PDLIM3: variants seen among roughly 807,000 people sequenced by gnomAD.
PDLIM3 encodes PDZ and LIM domain 3, also known as PDZ and LIM domain protein 3.
In PDLIM3, 36 loss-of-function variants were observed where a neutral mutation model predicts 37.3. That is an observed-to-expected ratio of 0.97 (90% CI 0.74 to 1.28). PDLIM3 has a LOEUF of 1.28. Among genes scored for constraint, PDLIM3 ranks in the 50% most tolerant of loss-of-function variants. PDLIM3 has a pLI of 0.00. For missense variants in PDLIM3, 454 were observed against 485.0 expected (o/e 0.94, Z 0.60); for synonymous variants, 174 against 182.4 (o/e 0.95, Z 0.37).
At position 185,504,679 on chromosome 4, in the gene PDLIM3, G is replaced by T; in HGVS notation, c.794-93C>A. The T allele has an allele frequency of 1.1e-6, 1 of 947,156 alleles. No individual in the cohort carries two copies. Among genetic ancestry groups the T allele is most frequent in the Non-Finnish European group, 1.7e-6 (1 of 599,520 alleles). 58.7% of individuals were successfully genotyped at this position (947,156 alleles called of 1,614,324 possible). On this transcript the variant is annotated intron_variant, in intron 6 of 7. Transcript: ENST00000284767. The surrounding 1 kb of genome is among the most constrained non-coding windows in gnomAD (Gnocchi z 4.7). ...TTTAAAGTGTGCACTTTAACCTGAA[G>T]TTGCATCTGCACCGTCATTCCGAGA... is the stretch of plus-strand genomic sequence containing the variant.
intron 7 of PDLIM3, among the ~76,000 whole-genome samples, chr4:185,502,911 C>G (rs551974521): frequency 3.7e-4 from 56 of 152,258 alleles, no homozygotes; most frequent in African/African-American, 1.2e-3. Flanking sequence ...GGTCCAGCCT[C>G]TATTCAATGG....
chr4:185,510,005 C>T (rs957080107), intron 4 of PDLIM3, among the ~76,000 whole-genome samples: 3 of 152,070 alleles, frequency 2.0e-5, no homozygotes, highest in African/African-American at 7.2e-5. Context: ...TCCTTCACTT[C>T]CTGCCTTTTG....
intron 3 of PDLIM3, among the ~76,000 whole-genome samples, chr4:185,520,415 C>A (rs1172016017): frequency 1.3e-5 from 2 of 151,236 alleles, no homozygotes; most frequent in Non-Finnish European, 2.9e-5. Context: ...CTGCTATAGC[C>A]CTTAACCTAA....
chr4:185,528,378 A>G (rs903875290), intron 1 of PDLIM3, among the ~76,000 whole-genome samples: 2 of 152,376 alleles, frequency 1.3e-5, no homozygotes, highest in African/African-American at 4.8e-5. Context: ...GACTTAGATA[A>G]TGAATAACTA....
rs1377584394 is a variant in PDLIM3, at chr4:185,524,995, T to G, written c.245+25A>C. ...GGTTCTCCTGCAAAACAGATCAGAT[T>G]TAAGCACCATTAGTTAAGAAGCACC... On this transcript the variant is annotated intron_variant, in intron 2 of 7. Transcript: ENST00000284767. 5 of 1,612,304 alleles carry G rather than the reference T, an allele frequency of 3.1e-6. No individual in the cohort carries two copies. In the African/African-American group the frequency reaches 6.7e-5, roughly 22 times the overall value.
intron 6 of PDLIM3, among the ~76,000 whole-genome samples, chr4:185,505,031 C>T (rs2095694331): frequency 6.6e-6 from 1 of 152,174 alleles, no homozygotes; most frequent in Non-Finnish European, 1.5e-5. Flanking sequence ...AACAGTAACT[C>T]CCCGTGCTCC....
intron 6 of PDLIM3, among the ~76,000 whole-genome samples, chr4:185,506,036 C>T (rs558025609): frequency 1.6e-4 from 24 of 152,314 alleles, no homozygotes; most frequent in Non-Finnish European, 2.9e-4. Flanking sequence ...CATCTCTCAG[C>T]GTCTCATTTG....
chr4:185,510,057 A>C (rs2153333660), intron 4 of PDLIM3, among the ~76,000 whole-genome samples: 1 of 152,324 alleles, frequency 6.6e-6, no homozygotes, highest in South Asian at 2.1e-4. Context: ...TTTAGATCAC[A>C]TACCAAAATA....
At position 185,525,093 on chromosome 4, in the gene PDLIM3, C is replaced by A; in HGVS notation, c.172G>T (p.Glu58Ter). ...VILAIDGFGTESMTHADAQDR... is the reference protein window; with the variant it reads ...VILAIDGFGT ...TGCGCATCAGCATGAGTCATGGACT[C>A]TGTCCCAAAGCCGTCAATAGCCAGG... is the stretch of plus-strand genomic sequence containing the variant. The change falls in exon 2 of 8, where the codon GAG becomes TAG. Residue 58 changes from glutamate (E) to a stop codon, truncating the protein, a stop_gained. Coordinates refer to ENST00000284767, the MANE Select transcript of PDLIM3 (RefSeq NM_014476.6). LOFTEE classifies it high-confidence loss of function. 1 of 1,614,192 alleles carries A rather than the reference C, an allele frequency of 6.2e-7. No individual in the cohort carries two copies. Among genetic ancestry groups the A allele is most frequent in the Non-Finnish European group, 8.5e-7 (1 of 1,179,998 alleles).
chr4:185,528,855 T>C (rs1171958709), intron 1 of PDLIM3, among the ~76,000 whole-genome samples: 1 of 152,240 alleles, frequency 6.6e-6, no homozygotes, highest in Non-Finnish European at 1.5e-5. Context: ...AGAAAATGAC[T>C]GCGAAATTGG....
In PDLIM3 at chr4:185,514,501, C is replaced by A; in HGVS notation, c.331-164G>T. ...AGGACGATGTCTTCTTTCCAACCAT[C>A]TATCCGCTAAACGGTCAGGCACTGG... On this transcript the variant is annotated intron_variant, in intron 3 of 7. Transcript: ENST00000284767. This position sits in a 1 kb window ranked among gnomAD's most constrained non-coding sequence, Gnocchi z 4.0. The A allele has an allele frequency of 6.9e-7, 1 of 1,447,058 alleles. No homozygotes were observed. The allele number at this position is 1,447,058 out of a possible 1,614,324, so 89.6% of individuals were successfully genotyped here. A position where few individuals can be genotyped will look rare whatever the true frequency, so the allele number is the denominator to read the frequency against.
chr4:185,506,740 A>C lies in PDLIM3; in HGVS notation c.663-88T>G, dbSNP rs550110554. On this transcript the variant is annotated intron_variant, in intron 5 of 7. Coordinates refer to ENST00000284767, the MANE Select transcript of PDLIM3 (RefSeq NM_014476.6). ...CCAGAGACATCAATACTCAGCCATT[A>C]CTCTATGCACAGCCACTCCTGAACA... 8 of 1,239,886 alleles carry C rather than the reference A, an allele frequency of 6.5e-6. No individual in the cohort carries two copies. The African/African-American group carries it at 1.0e-4, about 16-fold the overall frequency. 76.8% of individuals were successfully genotyped at this position (1,239,886 alleles called of 1,614,324 possible).
intron 5 of PDLIM3, among the ~76,000 whole-genome samples, chr4:185,507,376 CATA>C (rs904593921): frequency 6.6e-6 from 1 of 152,108 alleles, no homozygotes; most frequent in Non-Finnish European, 1.5e-5. Context: ...TAAAGAATTT[CATA>C]ATACTATATG....
At chr4:185,508,610 C>T in intron 4 of PDLIM3, 48 bp from the exon 5 acceptor site, 4 of 1,601,450 alleles carry the variant, frequency 2.5e-6, no homozygotes, top group Non-Finnish European at 3.4e-6. Context: ...GGGAGCCAGA[C>T]AGTCCAGACA....
chr4:185,504,549 C>T lies in PDLIM3; in HGVS notation c.831G>A (p.Pro277=), dbSNP rs61734674. ...CTGAACCGCCATGGACTTTCGTCAC[C>T]GGAGCTCTCACACTCCGCGTTCCAG... The part of the protein sequence containing the change: ...RPAGTRSVRA[P]VTKVHGGSGG... Residue 277 remains proline, a synonymous_variant, in exon 7 of 8, where the codon CCG becomes CCA. Transcript: ENST00000284767. The surrounding 1 kb of genome is among the most constrained non-coding windows in gnomAD (Gnocchi z 4.7). The T allele has an allele frequency of 1.7e-3, 2,745 of 1,614,100 alleles. 44 individuals are homozygous for T. The African/African-American group carries it at 0.032, about 19-fold the overall frequency.
Position 185,515,072 on chromosome 4 carries a change from A to G in PDLIM3, c.331-735T>C, listed in dbSNP as rs557780487. ...GTTTTCTCTGAGCTTTACATGTGCT[A>G]TATTCACCGATCAAATGTTAAGGTG... On this transcript the variant is annotated intron_variant, in intron 3 of 7. Coordinates refer to ENST00000284767, the MANE Select transcript of PDLIM3 (RefSeq NM_014476.6). 18 of 472,884 alleles carry G rather than the reference A, an allele frequency of 3.8e-5. No homozygotes were observed. The South Asian group carries it at 5.3e-4, about 14-fold the overall frequency. The allele number at this position is 472,884 out of a possible 1,614,324, so 29.3% of individuals were successfully genotyped here. A position where few individuals can be genotyped will look rare whatever the true frequency, so the allele number is the denominator to read the frequency against.
At chr4:185,530,310 G>A (rs1295507234) in intron 1 of PDLIM3, among the ~76,000 whole-genome samples, 1 of 152,208 alleles carries the variant, frequency 6.6e-6, no homozygotes, top group Non-Finnish European at 1.5e-5. Flanking sequence ...TTCAAATGTA[G>A]TTTATATTAC....
intron 1 of PDLIM3, among the ~76,000 whole-genome samples, chr4:185,526,935 A>G (rs568824775): frequency 1.8e-4 from 28 of 152,234 alleles, no homozygotes; most frequent in African/African-American, 6.7e-4. Flanking sequence ...ATTTTTCACC[A>G]TTACATCCTA....
At chr4:185,503,023 C>G (rs563905767) in intron 7 of PDLIM3, among the ~76,000 whole-genome samples, 9 of 152,144 alleles carry the variant, frequency 5.9e-5, no homozygotes, top group Admixed American at 1.3e-4. Flanking sequence ...GTCAGGAGAT[C>G]GAGACCATCC....
Sources: allele counts gnomAD v4.1 joint callset (sites outside exome capture counted in the v4.1 genomes callset), GRCh38; gene constraint gnomAD v4.1.1; non-coding constraint Gnocchi (gnomAD v3.1); transcripts MANE v1.5; gene names NCBI Gene and HGNC (gene_info 2026-07-23, HGNC 2026-07-21).